ARSL: variants seen among roughly 807,000 people sequenced by gnomAD.
ARSL encodes arylsulfatase E (chondrodysplasia punctata 1).
ARSL carries 4 observed loss-of-function variants against 31.1 expected under a neutral mutation model. The ratio of observed to expected loss-of-function variants is 0.13; its 90% confidence interval spans 0.06 to 0.29. The LOEUF is 0.29. Among genes scored for constraint, ARSL ranks in the 10% least tolerant of loss-of-function variants. The pLI is 1.00. For synonymous variants in ARSL, 198 were observed against 209.9 expected (o/e 0.94, Z 0.49); for missense variants, 312 against 497.8 (o/e 0.63, Z 3.55).
In ARSL at chrX:2,958,401, C is replaced by T. The variant is rs372935423; in HGVS notation, c.58G>A (p.Ala20Thr). The change falls in exon 3 of 11, where the codon GCT becomes ACT. Residue 20 changes from alanine to threonine, a missense_variant. Ala to Thr is a moderately conservative substitution (Grantham distance 58). Transcript: ENST00000381134. ...GATGGTGCCAAACTTAGCAGTACAGCGAGCATCGCTGGCAGCCAGCTCCTG... is the reference window on the plus strand; with the variant it reads ...GATGGTGCCAAACTTAGCAGTACAGTGAGCATCGCTGGCAGCCAGCTCCTG... ...CFRSWLPAML[A>T]VLLSLAPSAS... 4.3e-5 allele frequency: 52 copies of T among 1,210,555 alleles called. No individual in the cohort carries two copies. Among genetic ancestry groups the T allele is most frequent in the Admixed American group, 1.7e-4 (8 of 45,818 alleles).
chrX:2,934,694 T>A lies in ARSL; in HGVS notation c.*138A>T. The A allele has an allele frequency of 2.1e-6, 1 of 481,977 alleles. No homozygotes were observed. Among genetic ancestry groups the A allele is most frequent in the Non-Finnish European group, 3.6e-6 (1 of 279,001 alleles). 39.7% of individuals were successfully genotyped at this position (481,977 alleles called of 1,213,427 possible). On this transcript the variant is annotated 3_prime_UTR_variant, in exon 11 of 11. Transcript: ENST00000381134. The stretch of plus-strand genomic sequence containing the variant: ...CTAGAGTTTCATCATGTTGCCCAGG[T>A]TGGTTTTGATCACGGGAGTGATCCT...
At chrX:2,937,393 CAAA>C (rs752865403) in intron 9 of ARSL, among the ~76,000 whole-genome samples, 1 of 70,937 alleles carries the variant, frequency 1.4e-5, no homozygotes. Context: ...GACTCAGTCT[CAAA>C]AAAAAAAAAA....
At chrX:2,956,080 C>G (rs914263145) in intron 3 of ARSL, among the ~76,000 whole-genome samples, 1 of 111,712 alleles carries the variant, frequency 9.0e-6, no homozygotes, top group Non-Finnish European at 1.9e-5. Context: ...TAAGTTTCCA[C>G]AAGGCACTGT....
rs1005600269 is a variant in ARSL, at chrX:2,953,144, A to C, written c.429T>G (p.Ile143Met). The change falls in exon 5 of 11, where the codon ATT (isoleucine) becomes ATG (methionine). Residue 143 changes from isoleucine (I) to methionine (M), a missense_variant and splice_region_variant. Physicochemically the swap from Ile to Met is conservative, Grantham distance 10. Coordinates refer to ENST00000381134, the MANE Select transcript of ARSL (RefSeq NM_000047.3). ...TACCACTTTTAAAAACGTACATACC[A>C]ATGAGTCCAGTGGCATAGCCTTTCT... Reference protein sequence around the residue: ...LKEKGYATGLIGKWHLGLNCE... With the variant: ...LKEKGYATGLMGKWHLGLNCE... 7 of 1,207,678 alleles carry C rather than the reference A, an allele frequency of 5.8e-6. No homozygotes were observed. Among genetic ancestry groups the C allele is most frequent in the Non-Finnish European group, 7.8e-6 (7 of 893,493 alleles).
In ARSL at chrX:2,945,005, TAAGAAG is replaced by T. The variant is rs368635699; in HGVS notation, c.991+987_991+992del. On this transcript the variant is annotated intron_variant, in intron 7 of 10. Transcript: ENST00000381134. ...GGAGGAGGAATATGAAGAAGAAGAA[TAAGAAG>T]AAGAAGAAGAAGAAGAGGGGGAGGA... Among the ~76,000 whole-genome samples, 78 of 95,310 alleles carry T rather than the reference TAAGAAG, an allele frequency of 8.2e-4. 1 individual carries two copies. In the South Asian group the frequency reaches 0.017, roughly 20 times the overall value. 82.8% of individuals were successfully genotyped at this position (95,310 alleles called of 115,157 possible). A position where few individuals can be genotyped will look rare whatever the true frequency, so the allele number is the denominator to read the frequency against.
At chrX:2,948,468 C>T (rs1452595232) in intron 6 of ARSL, among the ~76,000 whole-genome samples, 1 of 111,391 alleles carries the variant, frequency 9.0e-6, no homozygotes, top group African/African-American at 3.3e-5. Context: ...TGGAATAAGA[C>T]TGACCCCAGA....
chrX:2,954,346 A>G (rs2089498068), intron 4 of ARSL, among the ~76,000 whole-genome samples: 1 of 111,872 alleles, frequency 8.9e-6, no homozygotes, highest in South Asian at 3.7e-4. Context: ...CCCAGGCTGG[A>G]GTGCAGTGGC....
intron 6 of ARSL, among the ~76,000 whole-genome samples, chrX:2,947,235 TC>T (rs1173902914): frequency 9.0e-6 from 1 of 110,806 alleles, no homozygotes; most frequent in Non-Finnish European, 1.9e-5. Flanking sequence ...ATGCATCTTT[TC>T]CCCCCCGAAT....
At chrX:2,961,070 G>A (rs1192175611) in intron 1 of ARSL, among the ~76,000 whole-genome samples, 1 of 111,162 alleles carries the variant, frequency 9.0e-6, no homozygotes, top group African/African-American at 3.3e-5. Context: ...AGGCCTAGAG[G>A]ACTCTGCAGG....
In ARSL at chrX:2,934,942, G is replaced by C; in HGVS notation, c.1660C>G (p.Pro554Ala). Residue 554 changes from proline to alanine, a missense_variant, in exon 11 of 11, where the codon CCA becomes GCA. Coordinates refer to ENST00000381134, the MANE Select transcript of ARSL (RefSeq NM_000047.3). ...AGCCTGTCCAGCTGCAGAGGAACTG[G>C]GCTGAGTGTCCGCTGGTGTTCCCAC... Reference protein sequence around the residue: ...AVWEHQRTLSPVPLQLDRLGN... With the variant: ...AVWEHQRTLSAVPLQLDRLGN... The C allele has an allele frequency of 8.3e-7, 1 of 1,210,522 alleles. No individual in the cohort carries two copies. The highest frequency in any genetic ancestry group is 1.1e-6 in the Non-Finnish European group (1 of 894,881).
At chrX:2,952,920 G>C (rs1162336105) in intron 5 of ARSL, 2 of 318,370 alleles carry the variant, frequency 6.3e-6, no homozygotes, top group African/African-American at 5.4e-5. Context: ...GCCTCTCAAA[G>C]TACTGGGATT....
chrX:2,941,021 C>G (rs1328628774), intron 8 of ARSL, among the ~76,000 whole-genome samples: 4 of 111,162 alleles, frequency 3.6e-5, no homozygotes, highest in Non-Finnish European at 5.7e-5. Flanking sequence ...GGACCCCCAA[C>G]CATCTGAATG....
chrX:2,949,309 G>T lies in ARSL; in HGVS notation c.849C>A (p.Leu283=), dbSNP rs2089428612. ...GCTGACCCTTTTCTGCTGACCTTTT[G>T]AGAAAGGACGCAACCTCCTGCAGAA... ...PLILQEVASF[L]KRNKHGPFLL... is the part of the protein sequence containing the mutation. Residue 283 remains leucine (L), a synonymous_variant, in exon 6 of 11, where the codon CTC becomes CTA. Coordinates refer to ENST00000381134, the MANE Select transcript of ARSL (RefSeq NM_000047.3). The T allele has an allele frequency of 8.3e-7, 1 of 1,211,470 alleles. No homozygotes were observed. Among genetic ancestry groups the T allele is most frequent in the South Asian group, 1.8e-5 (1 of 56,949 alleles).
chrX:2,939,754 C>T (rs995827977), intron 8 of ARSL, among the ~76,000 whole-genome samples: 23 of 110,288 alleles, frequency 2.1e-4, no homozygotes, highest in South Asian at 3.9e-4. Context: ...GTCATGTACA[C>T]GGGGCAGCAC....
chrX:2,963,655 C>T (rs2089670254), intron 1 of ARSL, among the ~76,000 whole-genome samples: 1 of 104,568 alleles, frequency 9.6e-6, no homozygotes, highest in South Asian at 4.6e-4. Context: ...ATCCTCCTAC[C>T]TCAGCCTCCC....
At chrX:2,936,592 TA>T in intron 10 of ARSL, 149 bp downstream of exon 10, 1 of 788,838 alleles carries the variant, frequency 1.3e-6, no homozygotes, top group South Asian at 2.5e-5. Context: ...AAACTAAATT[TA>T]AAAAGCTCGT....
At chrX:2,965,909 A>C (rs952512735), upstream of ARSL, among the ~76,000 whole-genome samples, 2 of 112,386 alleles carry the variant, frequency 1.8e-5, no homozygotes, top group Non-Finnish European at 3.8e-5. Context: ...TCAAAAAAGA[A>C]AAGACAAGAC....
In ARSL at chrX:2,949,514, T is replaced by G; in HGVS notation, c.644A>C (p.Lys215Thr). 8.3e-7 allele frequency: 1 copy of G among 1,211,144 alleles called. No individual in the cohort carries two copies. Among genetic ancestry groups the G allele is most frequent in the Middle Eastern group, 2.3e-4 (1 of 4,353 alleles). The change falls in exon 6 of 11, where the codon AAG (lysine) becomes ACG (threonine). Residue 215 changes from lysine to threonine, a missense_variant. By Grantham distance (78) the Lys-to-Thr change is moderately conservative. Coordinates refer to ENST00000381134, the MANE Select transcript of ARSL (RefSeq NM_000047.3). ...ALVALTLVAG[K>T]LTHLIPVSWM... ...CGAGACGGGTATCAGGTGTGTGAGC[T>G]TCCCTGCTACCAGTGTGAGGGCAAC...
At chrX:2,936,400 A>T (rs1436154996) in intron 10 of ARSL, among the ~76,000 whole-genome samples, 1 of 111,592 alleles carries the variant, frequency 9.0e-6, no homozygotes, top group Non-Finnish European at 1.9e-5. Context: ...GTGTGTATGC[A>T]TGCACATACG....
Sources: allele counts gnomAD v4.1 joint callset (sites outside exome capture counted in the v4.1 genomes callset), GRCh38; gene constraint gnomAD v4.1.1; transcripts MANE v1.5; gene names NCBI Gene and HGNC (gene_info 2026-07-23, HGNC 2026-07-21).